Variants in UBE2G1 observed in about 807,000 individuals in gnomAD.
UBE2G1 encodes the protein ubiquitin conjugating enzyme E2 G1, also known as ubiquitin-conjugating enzyme E2 G1.
In UBE2G1, 5 loss-of-function variants were observed where a neutral mutation model predicts 22.7. That is an observed-to-expected ratio of 0.22 (90% CI 0.12 to 0.46). The LOEUF (loss-of-function observed/expected upper bound fraction) is 0.46, where lower values mean the gene tolerates loss of function less well. Ranked by LOEUF, UBE2G1 falls within the 20% of genes least tolerant of loss-of-function variation. The pLI is 0.99. For synonymous variants in UBE2G1, 74 were observed against 67.5 expected (o/e 1.10, Z -0.47); for missense variants, 88 against 203.9 (o/e 0.43, Z 3.46).
chr17:4,301,434 A>G (rs1475109218), intron 2 of UBE2G1: 3 of 680,926 alleles, frequency 4.4e-6, no homozygotes, highest in East Asian at 6.0e-5. Context: ...GCTGTTATTG[A>G]TGTGTTTCCT....
At chr17:4,276,775 T>C (rs1968826311) in intron 5 of UBE2G1, among the ~76,000 whole-genome samples, 1 of 152,144 alleles carries the variant, frequency 6.6e-6, no homozygotes, top group South Asian at 2.1e-4. Context: ...CAGGAGGTGC[T>C]CTCAAAAACA....
At chr17:4,290,652 T>TTTC (rs1969022937) in intron 3 of UBE2G1, among the ~76,000 whole-genome samples, 1 of 151,012 alleles carries the variant, frequency 6.6e-6, no homozygotes, top group South Asian at 2.1e-4. Flanking sequence ...GACTTTTTTT[T>TTTC]TTTTTTTGGT....
chr17:4,366,500 A>G lies in UBE2G1; in HGVS notation c.-184T>C. 2.0e-6 allele frequency: 1 copy of G among 496,976 alleles called. No individual in the cohort carries two copies. The highest frequency in any genetic ancestry group is 3.3e-6 in the Non-Finnish European group (1 of 302,080). 30.8% of individuals were successfully genotyped at this position (496,976 alleles called of 1,614,324 possible). ...CTGCCGGTGCGAGTCCGCTCGCTTC[A>G]GCTCTTTTCACAGCGACTCACGCCC... On this transcript the variant is annotated 5_prime_UTR_variant, in exon 1 of 6. Transcript: ENST00000396981.
intron 2 of UBE2G1, among the ~76,000 whole-genome samples, chr17:4,298,871 G>A (rs1296971487): frequency 6.6e-6 from 1 of 152,170 alleles, no homozygotes; most frequent in African/African-American, 2.4e-5. Context: ...AACTGATGAG[G>A]TTATCTATTG....
intron 5 of UBE2G1, among the ~76,000 whole-genome samples, chr17:4,273,357 T>G (rs1968782621): frequency 6.6e-6 from 1 of 152,158 alleles, no homozygotes; most frequent in Non-Finnish European, 1.5e-5. Context: ...TTTTGTTTGT[T>G]ATTTATTTGA....
intron 1 of UBE2G1, among the ~76,000 whole-genome samples, chr17:4,346,316 C>T (rs1969770928): frequency 6.6e-6 from 1 of 152,054 alleles, no homozygotes; most frequent in East Asian, 1.9e-4. Flanking sequence ...CTTATCCAGA[C>T]TTATACCGAA....
chr17:4,274,927 T>TGTAGTCCCAGCTACTGGAGAGGCTGAG (rs61291097), intron 5 of UBE2G1, among the ~76,000 whole-genome samples: 4 of 151,810 alleles, frequency 2.6e-5, no homozygotes, highest in African/African-American at 9.7e-5. Flanking sequence ...GGCACATGCC[T>TGTAGTCCCAGCTACTGGAGAGGCTGAG]GTGGGAGGAC....
chr17:4,365,912 A>G (rs1364002017), intron 1 of UBE2G1, among the ~76,000 whole-genome samples: 2 of 151,760 alleles, frequency 1.3e-5, no homozygotes, highest in African/African-American at 4.8e-5. Flanking sequence ...CGGCCCCGGC[A>G]GCACCTGAAC....
intron 1 of UBE2G1, among the ~76,000 whole-genome samples, chr17:4,323,141 G>C (rs1242101344): frequency 6.6e-6 from 1 of 152,152 alleles, no homozygotes; most frequent in East Asian, 1.9e-4. Flanking sequence ...ATTTATAACT[G>C]ACAAAAATAG....
intron 1 of UBE2G1, among the ~76,000 whole-genome samples, chr17:4,312,458 AG>A (rs764842771): frequency 6.8e-4 from 103 of 152,166 alleles, no homozygotes; most frequent in South Asian, 2.3e-3. Context: ...TGAAATAGGG[AG>A]GCCGAGGCAG....
chr17:4,300,946 A>AGAG (rs1555520734), intron 2 of UBE2G1, among the ~76,000 whole-genome samples: 1 of 151,518 alleles, frequency 6.6e-6, no homozygotes, highest in African/African-American at 2.4e-5. Context: ...ACAAAAAAAA[A>AGAG]AGAGAGAGAG....
At chr17:4,340,302 T>C (rs1452556549) in intron 1 of UBE2G1, among the ~76,000 whole-genome samples, 1 of 152,226 alleles carries the variant, frequency 6.6e-6, no homozygotes, top group Non-Finnish European at 1.5e-5. Flanking sequence ...CTGATGTTCT[T>C]AGAGAACATA....
At chr17:4,333,966 A>G (rs1202276291) in intron 1 of UBE2G1, among the ~76,000 whole-genome samples, 1 of 138,710 alleles carries the variant, frequency 7.2e-6, no homozygotes, top group African/African-American at 3.1e-5. Flanking sequence ...GATCACCTTC[A>G]TTTCCTCAGA....
chr17:4,302,371 T>G, intron 2 of UBE2G1: 1 of 485,854 alleles, frequency 2.1e-6, no homozygotes, highest in Non-Finnish European at 4.2e-6. Context: ...AGCCCTTGGG[T>G]TGCTGTGTCT....
chr17:4,300,078 G>A (rs1969157534), intron 2 of UBE2G1, among the ~76,000 whole-genome samples: 1 of 69,428 alleles, frequency 1.4e-5, no homozygotes, highest in African/African-American at 4.5e-5. Context: ...ACCGCACCTG[G>A]CCTACCTGCT....
At chr17:4,360,397 G>C (rs1036514406) in intron 1 of UBE2G1, among the ~76,000 whole-genome samples, 3 of 152,080 alleles carry the variant, frequency 2.0e-5, no homozygotes, top group African/African-American at 7.2e-5. Context: ...TTGTACTGAA[G>C]TACCCAAGAC....
chr17:4,279,438 G>C (rs1246115269), intron 5 of UBE2G1, among the ~76,000 whole-genome samples: 1 of 152,156 alleles, frequency 6.6e-6, no homozygotes, highest in Non-Finnish European at 1.5e-5. Context: ...AGTGGGGTGA[G>C]TGAAGTTCAA....
chr17:4,366,149 C>T, intron 1 of UBE2G1, 122 bp downstream of exon 1: 1 of 1,061,676 alleles, frequency 9.4e-7, no homozygotes, highest in Non-Finnish European at 1.3e-6. Context: ...CTCGAGGTCC[C>T]CACCCTCGCA....
At chr17:4,308,015 C>T (rs891736535) in intron 1 of UBE2G1, among the ~76,000 whole-genome samples, 17 of 152,198 alleles carry the variant, frequency 1.1e-4, no homozygotes, top group Non-Finnish European at 2.4e-4. Context: ...TTTTAAACAA[C>T]TTTAATGAGG....
Sources: gnomAD v4.1 joint callset for allele counts (sites outside exome capture counted in the v4.1 genomes callset) on GRCh38, gnomAD v4.1.1 for gene constraint, MANE v1.5 for transcripts, NCBI Gene and HGNC (gene_info 2026-07-23, HGNC 2026-07-21) for gene names.